ARHGEF4: variants seen among roughly 807,000 people sequenced by gnomAD.
ARHGEF4 encodes Rho guanine nucleotide exchange factor 4, also known as APC-stimulated guanine nucleotide exchange factor 1.
ARHGEF4 carries 119 observed loss-of-function variants against 162.0 expected under a neutral mutation model. The ratio of observed to expected loss-of-function variants is 0.73; its 90% confidence interval spans 0.63 to 0.86. ARHGEF4 has a LOEUF of 0.86. Among genes scored for constraint, ARHGEF4 ranks in the 40% least tolerant of loss-of-function variants. The pLI, the probability that ARHGEF4 is intolerant of heterozygous loss-of-function variation, is 0.00. For missense variants in ARHGEF4, 2,488 were observed against 2,456.0 expected, an observed-to-expected ratio of 1.01 and a Z score of -0.28; for synonymous variants, 1,014 against 979.9, an observed-to-expected ratio of 1.03 and a Z score of -0.65.
At chr2:130,864,506 CTA>C (rs1682125550) in intron 1 of ARHGEF4, among the ~76,000 whole-genome samples, 2 of 152,192 alleles carry the variant, frequency 1.3e-5, no homozygotes. Flanking sequence ...AGGCGAATCA[CTA>C]GAGGTCAGGA....
At chr2:130,933,464 G>T (rs1682760866) in intron 3 of ARHGEF4, among the ~76,000 whole-genome samples, 1 of 152,192 alleles carries the variant, frequency 6.6e-6, no homozygotes, top group African/African-American at 2.4e-5. Flanking sequence ...AAAAAATAAA[G>T]GCCCTTGGGA....
At chr2:131,035,249 T>G in intron 5 of ARHGEF4, 10 of 1,223,848 alleles carry the variant, frequency 8.2e-6, no homozygotes, top group Non-Finnish European at 9.2e-6. Context: ...ATCTTCCTGC[T>G]GGCCTTCCGC....
intron 4 of ARHGEF4, among the ~76,000 whole-genome samples, chr2:130,948,236 C>A (rs1201448257): frequency 2.0e-5 from 3 of 152,230 alleles, no homozygotes; most frequent in African/African-American, 7.2e-5. Flanking sequence ...AGGGAGCTGG[C>A]TGCTCAGATT....
Position 130,931,273 on chromosome 2 carries a change from C to T in ARHGEF4, c.3858+16C>T. ...TGGAGTCAAGGTAAGCCACTCCCGGCCAGGAGTCCTCAGACTTGGTCTGGT... is the reference window on the plus strand; with the variant it reads ...TGGAGTCAAGGTAAGCCACTCCCGGTCAGGAGTCCTCAGACTTGGTCTGGT... On this transcript the variant is annotated intron_variant, in intron 3 of 13. Coordinates refer to ENST00000409359, the MANE Select transcript of ARHGEF4 (RefSeq NM_001367493.1). 1.3e-6 allele frequency: 2 copies of T among 1,583,682 alleles called. No homozygotes were observed. The highest frequency in any genetic ancestry group is 1.2e-5 in the South Asian group (1 of 86,694).
chr2:130,950,374 T>A (rs1237245377), intron 4 of ARHGEF4, among the ~76,000 whole-genome samples: 2 of 151,458 alleles, frequency 1.3e-5, no homozygotes, highest in Non-Finnish European at 2.9e-5. Flanking sequence ...TGAGAGTCCC[T>A]GATGCCTCCA....
chr2:130,950,747 C>T (rs900157998), intron 4 of ARHGEF4, among the ~76,000 whole-genome samples: 6 of 151,308 alleles, frequency 4.0e-5, no homozygotes, highest in African/African-American at 1.5e-4. Flanking sequence ...ATTCCCTACC[C>T]TGGATTTGCC....
At chr2:130,839,070 C>T (rs1306366378) in intron 1 of ARHGEF4, among the ~76,000 whole-genome samples, 1 of 152,194 alleles carries the variant, frequency 6.6e-6, no homozygotes, top group Non-Finnish European at 1.5e-5. Context: ...GGAAGCATCA[C>T]CTGTGCCCCT....
In ARHGEF4 at chr2:130,931,209, C is replaced by T. The variant is rs147260767; in HGVS notation, c.3810C>T (p.His1270=). The T allele has an allele frequency of 4.6e-4, 747 of 1,613,756 alleles. 1 individual carries two copies. The highest frequency in any genetic ancestry group is 9.4e-4 in the South Asian group (86 of 91,032). Residue 1270 remains histidine, a synonymous_variant, in exon 3 of 14, where the codon CAC becomes CAT. Transcript: ENST00000409359. ...TQRKKLQKQA[H]VERRLHIGAV... ...GAAAGAAGTTGCAGAAGCAGGCCCA[C>T]GTCGAAAGGAGGCTGCACATAGGGG...
At chr2:130,866,359 G>A (rs1396616741) in intron 1 of ARHGEF4, among the ~76,000 whole-genome samples, 2 of 152,198 alleles carry the variant, frequency 1.3e-5, no homozygotes, top group African/African-American at 4.8e-5. Context: ...ACTCCAGCCT[G>A]GGTGACAAGA....
At chr2:130,940,767 G>A (rs1376455013) in intron 3 of ARHGEF4, among the ~76,000 whole-genome samples, 1 of 148,102 alleles carries the variant, frequency 6.8e-6, no homozygotes, top group African/African-American at 2.5e-5. Flanking sequence ...GGGAGGCAGA[G>A]CTTGCAGTGA....
chr2:130,857,025 A>G (rs1428593660), intron 1 of ARHGEF4, among the ~76,000 whole-genome samples: 1 of 152,174 alleles, frequency 6.6e-6, no homozygotes, highest in African/African-American at 2.4e-5. Context: ...GATCAAGACC[A>G]TCCTGGCTAA....
intron 1 of ARHGEF4, among the ~76,000 whole-genome samples, chr2:130,888,838 C>T (rs746367788): frequency 1.8e-4 from 27 of 152,120 alleles, no homozygotes; most frequent in African/African-American, 3.9e-4. Flanking sequence ...CAGTGGCTCA[C>T]GCCTGTAATC....
rs535688356 is a variant in ARHGEF4, at chr2:130,877,993, G to T, written c.40-35993G>T. Among the ~76,000 whole-genome samples the T allele has an allele frequency of 1.4e-4, 21 of 152,234 alleles. No individual in the cohort carries two copies. In the South Asian group the frequency reaches 3.1e-3, roughly 23 times the overall value. On this transcript the variant is annotated intron_variant, in intron 1 of 13. Transcript: ENST00000409359. The stretch of plus-strand genomic sequence containing the variant: ...TGAGCCTTGTACGGTATCCAGCCCT[G>T]TGCTTGGTACTATGGAAACGTTAGG...
chr2:130,856,861 A>G (rs1157825342), intron 1 of ARHGEF4, among the ~76,000 whole-genome samples: 2 of 152,258 alleles, frequency 1.3e-5, no homozygotes, highest in East Asian at 1.9e-4. Context: ...TTGGGAACAA[A>G]GCTGCAGTGG....
intron 1 of ARHGEF4, among the ~76,000 whole-genome samples, chr2:130,893,857 A>G (rs1017304836): frequency 3.9e-5 from 6 of 152,230 alleles, no homozygotes; most frequent in Non-Finnish European, 7.3e-5. Flanking sequence ...GAAGAGCCAC[A>G]AGGATTTCTA....
At chr2:131,034,905 C>A in intron 5 of ARHGEF4, 2 of 896,112 alleles carry the variant, frequency 2.2e-6, no homozygotes, top group Non-Finnish European at 2.7e-6. Flanking sequence ...GCCCGCACAG[C>A]CGGCTTGGTT....
intron 1 of ARHGEF4, among the ~76,000 whole-genome samples, chr2:130,907,893 G>A (rs1394237660): frequency 6.7e-6 from 1 of 150,374 alleles, no homozygotes; most frequent in Admixed American, 6.6e-5. Flanking sequence ...GAGGGCGGAG[G>A]TTGCAGTGAG....
At chr2:131,042,104 G>A (rs1275605843) in intron 10 of ARHGEF4, among the ~76,000 whole-genome samples, 160 bp downstream of exon 10, 4 of 152,238 alleles carry the variant, frequency 2.6e-5, no homozygotes, top group Non-Finnish European at 5.9e-5. Flanking sequence ...CCCAGCGTGG[G>A]CTCTGGACCT....
At chr2:130,964,275 G>T in intron 4 of ARHGEF4, 1 of 985,522 alleles carries the variant, frequency 1.0e-6, no homozygotes, top group Non-Finnish European at 1.2e-6. Flanking sequence ...TCCCCGCGCC[G>T]CACGCGCCCT....
Sources: allele counts gnomAD v4.1 joint callset (sites outside exome capture counted in the v4.1 genomes callset), GRCh38; gene constraint gnomAD v4.1.1; transcripts MANE v1.5; gene names NCBI Gene and HGNC (gene_info 2026-07-23, HGNC 2026-07-21).